SYT9: variants seen among roughly 807,000 people sequenced by gnomAD.
The protein encoded by SYT9 is synaptotagmin 9.
In SYT9, 22 loss-of-function variants were observed where a neutral mutation model predicts 48.4. That is an observed-to-expected ratio of 0.45 (90% CI 0.32 to 0.65). SYT9 has a LOEUF of 0.65. Among genes scored for constraint, SYT9 ranks in the 30% least tolerant of loss-of-function variants. The pLI, the probability that SYT9 is intolerant of heterozygous loss-of-function variation, is 0.03. For synonymous variants in SYT9, 265 were observed against 245.0 expected, an observed-to-expected ratio of 1.08 and a Z score of -0.76; for missense variants, 577 against 622.0, an observed-to-expected ratio of 0.93 and a Z score of 0.77.
intron 3 of SYT9, among the ~76,000 whole-genome samples, chr11:7,361,818 GA>G (rs1270221665): frequency 6.6e-6 from 1 of 152,194 alleles, no homozygotes; most frequent in African/African-American, 2.4e-5. Flanking sequence ...CAAGAAATAA[GA>G]AATTTAGTAG....
chr11:7,338,565 A>G (rs1313092916), intron 3 of SYT9, among the ~76,000 whole-genome samples: 1 of 152,074 alleles, frequency 6.6e-6, no homozygotes, highest in Non-Finnish European at 1.5e-5. Flanking sequence ...TCTCATTAGT[A>G]TCAAAGAACT....
At chr11:7,310,280 T>G (rs893847285) in intron 2 of SYT9, among the ~76,000 whole-genome samples, 9 of 141,634 alleles carry the variant, frequency 6.4e-5, no homozygotes, top group African/African-American at 2.1e-4. Context: ...ACTACAGGTG[T>G]GTGCCACTAT....
chr11:7,423,637 C>A (rs1444850321), intron 6 of SYT9, among the ~76,000 whole-genome samples: 1 of 152,136 alleles, frequency 6.6e-6, no homozygotes, highest in African/African-American at 2.4e-5. Context: ...ATTATGTATG[C>A]CCCACATTCT....
intron 3 of SYT9, among the ~76,000 whole-genome samples, chr11:7,378,410 T>C (rs377691881): frequency 1.6e-4 from 24 of 152,098 alleles, no homozygotes; most frequent in African/African-American, 5.8e-4. Flanking sequence ...AGAGGATGCA[T>C]TGGAAGAGGT....
intron 3 of SYT9, among the ~76,000 whole-genome samples, chr11:7,358,862 T>A (rs1455143229): frequency 6.6e-6 from 1 of 152,168 alleles, no homozygotes; most frequent in African/African-American, 2.4e-5. Flanking sequence ...GATTTTTTTT[T>A]ATTATACTTT....
intron 2 of SYT9, among the ~76,000 whole-genome samples, chr11:7,312,565 G>A (rs1185655287): frequency 2.0e-5 from 3 of 152,208 alleles, no homozygotes; most frequent in Non-Finnish European, 4.4e-5. Flanking sequence ...GAATTTTAGG[G>A]AAACTTCTAA....
chr11:7,391,089 G>A (rs1166714421), intron 3 of SYT9, among the ~76,000 whole-genome samples: 4 of 152,046 alleles, frequency 2.6e-5, no homozygotes, highest in Non-Finnish European at 4.4e-5. Flanking sequence ...TTGGTTTTCT[G>A]TTTCTGCATT....
At chr11:7,390,578 C>G (rs1463614780) in intron 3 of SYT9, among the ~76,000 whole-genome samples, 1 of 152,042 alleles carries the variant, frequency 6.6e-6, no homozygotes, top group African/African-American at 2.4e-5. Flanking sequence ...AATAAAGAAG[C>G]ATAATAAATT....
At chr11:7,334,294 T>G (rs1403356024) in intron 3 of SYT9, among the ~76,000 whole-genome samples, 8 of 152,162 alleles carry the variant, frequency 5.3e-5, no homozygotes, top group African/African-American at 1.9e-4. Context: ...TTTTGGGCAG[T>G]GAATTGACAC....
chr11:7,259,284 CT>C (rs1848034917), intron 1 of SYT9, among the ~76,000 whole-genome samples: 1 of 152,080 alleles, frequency 6.6e-6, no homozygotes, highest in Non-Finnish European at 1.5e-5. Context: ...ATTGTTAACA[CT>C]TATTAGTACG....
intron 2 of SYT9, among the ~76,000 whole-genome samples, chr11:7,309,952 G>A (rs1849100679): frequency 6.6e-6 from 1 of 152,178 alleles, no homozygotes; most frequent in Non-Finnish European, 1.5e-5. Context: ...GTCATGCCCA[G>A]TTACAGTCTT....
intron 3 of SYT9, among the ~76,000 whole-genome samples, chr11:7,346,349 G>C (rs937764791): frequency 2.0e-5 from 3 of 152,204 alleles, no homozygotes; most frequent in Non-Finnish European, 2.9e-5. Context: ...AGCAGAGGGG[G>C]TTCCTGTGGC....
intron 1 of SYT9, among the ~76,000 whole-genome samples, chr11:7,266,836 A>G (rs202140800): frequency 6.6e-6 from 1 of 152,084 alleles, no homozygotes. Flanking sequence ...AAAAGTGAGT[A>G]GTAAATAGTG....
At chr11:7,459,647 C>T (rs996468016) in intron 6 of SYT9, among the ~76,000 whole-genome samples, 1 of 152,108 alleles carries the variant, frequency 6.6e-6, no homozygotes, top group Non-Finnish European at 1.5e-5. Flanking sequence ...CTCAGAATGT[C>T]ACCTTATTTG....
chr11:7,435,062 C>T (rs1201680155), intron 6 of SYT9: 2 of 152,182 alleles, frequency 1.3e-5, no homozygotes, highest in Non-Finnish European at 2.9e-5. Context: ...AAACCCTACA[C>T]TCTCAGGATA....
chr11:7,309,702 T>C (rs981898230), intron 2 of SYT9, among the ~76,000 whole-genome samples: 1 of 152,120 alleles, frequency 6.6e-6, no homozygotes, highest in South Asian at 2.1e-4. Context: ...ATATTGATTT[T>C]CCATTTCCTC....
At chr11:7,326,599 G>T (rs1188899699) in intron 3 of SYT9, among the ~76,000 whole-genome samples, 1 of 150,368 alleles carries the variant, frequency 6.7e-6, no homozygotes, top group Non-Finnish European at 1.5e-5. Context: ...CCAAAAAAGA[G>T]CCCGCATCGC....
intron 3 of SYT9, among the ~76,000 whole-genome samples, chr11:7,408,675 T>C (rs1318829497): frequency 6.6e-6 from 1 of 152,244 alleles, no homozygotes; most frequent in Non-Finnish European, 1.5e-5. Flanking sequence ...TTTTGTATGT[T>C]GATTTGCATT....
intron 1 of SYT9, among the ~76,000 whole-genome samples, chr11:7,299,871 G>A (rs528655890): frequency 2.4e-4 from 37 of 152,284 alleles, no homozygotes; most frequent in Non-Finnish European, 4.1e-4. Flanking sequence ...TAGTTAAAGT[G>A]AGGCAGAACT....
Sources: gnomAD v4.1 joint callset for allele counts (sites outside exome capture counted in the v4.1 genomes callset) on GRCh38, gnomAD v4.1.1 for gene constraint, MANE v1.5 for transcripts, NCBI Gene and HGNC (gene_info 2026-07-23, HGNC 2026-07-21) for gene names.